KCNN1: variants seen among roughly 807,000 people sequenced by gnomAD.
KCNN1 encodes the protein potassium calcium-activated channel subfamily N member 1, also known as small conductance calcium-activated potassium channel protein 1.
In KCNN1, 20 loss-of-function variants were observed where a neutral mutation model predicts 44.7. The observed-to-expected ratio is 0.45, with a 90% CI of 0.32 to 0.65. The LOEUF is 0.65. Ranked by LOEUF, KCNN1 falls within the 30% of genes least tolerant of loss-of-function variation. KCNN1 has a pLI of 0.05. For synonymous variants in KCNN1, 324 were observed against 341.7 expected (o/e 0.95, Z 0.57); for missense variants, 632 against 785.3 (o/e 0.80, Z 2.33).
chr19:17,986,664 A>C (rs2032608200), intron 5 of KCNN1, among the ~76,000 whole-genome samples: 2 of 152,136 alleles, frequency 1.3e-5, no homozygotes, highest in African/African-American at 4.8e-5. Context: ...TCCATGTTTT[A>C]TTTTTATGTT....
intron 3 of KCNN1, 127 bp downstream of exon 3, chr19:17,975,314 G>T: frequency 3.2e-6 from 2 of 628,744 alleles, no homozygotes; most frequent in African/African-American, 1.8e-5. Context: ...ATAGAAAAAA[G>T]ATCTCCATAA....
chr19:17,959,810 C>T (rs992625608), intron 2 of KCNN1, among the ~76,000 whole-genome samples: 2 of 151,934 alleles, frequency 1.3e-5, no homozygotes, highest in South Asian at 2.1e-4. Context: ...GTCAGCTGGA[C>T]GCGGTGGCTC....
chr19:17,957,359 AAG>A (rs2031572543), intron 2 of KCNN1, among the ~76,000 whole-genome samples: 1 of 144,224 alleles, frequency 6.9e-6, no homozygotes, highest in South Asian at 2.4e-4. Context: ...AGAAAGAAGA[AAG>A]AGGAAGGGAG....
At chr19:17,982,519 C>T (rs977408935) in intron 4 of KCNN1, 2 of 983,634 alleles carry the variant, frequency 2.0e-6, no homozygotes, top group Non-Finnish European at 2.4e-6. Context: ...CCATCTCCCA[C>T]GTTTAACCAG....
At chr19:17,985,045 T>C (rs997986313) in intron 4 of KCNN1, among the ~76,000 whole-genome samples, 3 of 152,048 alleles carry the variant, frequency 2.0e-5, no homozygotes, top group Admixed American at 1.3e-4. Context: ...GTGTCTGTCG[T>C]TGGGAGGGGG....
chr19:17,995,997 T>C (rs953675528), intron 9 of KCNN1, among the ~76,000 whole-genome samples: 1 of 152,068 alleles, frequency 6.6e-6, no homozygotes, highest in African/African-American at 2.4e-5. Context: ...GTATATATAC[T>C]GTATTCTTAC....
chr19:17,983,755 G>A lies in KCNN1; in HGVS notation c.918-1557G>A, dbSNP rs907903172. Among the ~76,000 whole-genome samples, 3 of 151,550 alleles carry A rather than the reference G, an allele frequency of 2.0e-5. No individual in the cohort carries two copies. Among genetic ancestry groups the A allele is most frequent in the African/African-American group, 7.3e-5 (3 of 41,198 alleles). ...TGGTCCCGCGGCACCCCCCACCATC[G>A]CTCCGTCTGGATCTGGGGCTCACCC... On this transcript the variant is annotated intron_variant, in intron 4 of 9. Coordinates refer to ENST00000684775, the MANE Select transcript of KCNN1 (RefSeq NM_001386974.1). This position sits in a 1 kb window ranked among gnomAD's most constrained non-coding sequence, Gnocchi z 4.5.
intron 1 of KCNN1, among the ~76,000 whole-genome samples, chr19:17,969,144 G>A (rs1186614911): frequency 1.3e-5 from 2 of 152,058 alleles, no homozygotes; most frequent in African/African-American, 2.4e-5. Context: ...ATTGCAGTGG[G>A]GGAGGGGATG....
At chr19:17,995,227 C>T (rs1229464034) in intron 9 of KCNN1, among the ~76,000 whole-genome samples, 2 of 150,686 alleles carry the variant, frequency 1.3e-5, no homozygotes, top group African/African-American at 4.9e-5. Context: ...GGCTGGAGTG[C>T]AGTGGCAAAA....
rs533719138 is a variant in KCNN1 at position 17,960,778 on chromosome 19, C to G, written c.-82+6097C>G. 7.2e-5 allele frequency among the ~76,000 whole-genome samples: 11 copies of G among 152,282 alleles called. No homozygotes were observed. The South Asian group carries it at 2.3e-3, about 32-fold the overall frequency. On this transcript the variant is annotated intron_variant, in intron 2 of 10. Coordinates refer to the KCNN1 transcript ENST00000222249. Reference sequence around the variant, plus strand: ...GATCCTTTCCTGCCTCTTCCAGCCTCTGGTGGCTCCTGGTGTTCTTTGGCT... The same window carrying G: ...GATCCTTTCCTGCCTCTTCCAGCCTGTGGTGGCTCCTGGTGTTCTTTGGCT...
chr19:17,971,172 C>T (rs1891541108), intron 1 of KCNN1, among the ~76,000 whole-genome samples: 1 of 152,168 alleles, frequency 6.6e-6, no homozygotes, highest in South Asian at 2.1e-4. Context: ...GCGTGAGCCA[C>T]TGCACCCAGC....
chr19:17,990,971 G>A (rs1015972990), intron 7 of KCNN1, among the ~76,000 whole-genome samples: 3 of 152,068 alleles, frequency 2.0e-5, no homozygotes. Context: ...TCCAACATCA[G>A]TTACTTAGTA....
In KCNN1 at chr19:17,993,406, G is replaced by A; in HGVS notation, c.1308-84G>A. 1 of 989,624 alleles carries A rather than the reference G, an allele frequency of 1.0e-6. No homozygotes were observed. Among genetic ancestry groups the A allele is most frequent in the South Asian group, 1.4e-5 (1 of 72,984 alleles). The allele number at this position is 989,624 out of a possible 1,614,324, so 61.3% of individuals were successfully genotyped here. On this transcript the variant is annotated intron_variant, in intron 8 of 9. Coordinates refer to ENST00000684775, the MANE Select transcript of KCNN1 (RefSeq NM_001386974.1). The surrounding 1 kb of genome is among the most constrained non-coding windows in gnomAD (Gnocchi z 4.5). ...GATGCATGTCCCATAGGTGACCCCG[G>A]GTGGGTGCATGAAAGTCCCTGCCCC...
chr19:17,973,303 C>T (rs921972929), intron 1 of KCNN1, among the ~76,000 whole-genome samples: 4 of 151,898 alleles, frequency 2.6e-5, no homozygotes, highest in East Asian at 1.9e-4. Context: ...TTTTTTGAGA[C>T]GTAGTCTCAC....
At chr19:17,989,483 T>G (rs989974497) in intron 6 of KCNN1, among the ~76,000 whole-genome samples, 11 of 151,876 alleles carry the variant, frequency 7.2e-5, no homozygotes, top group African/African-American at 2.7e-4. Flanking sequence ...ACAAAAAACA[T>G]TAAAAACATT....
chr19:17,986,960 C>G (rs1311688845), intron 5 of KCNN1, among the ~76,000 whole-genome samples: 6 of 152,030 alleles, frequency 3.9e-5, no homozygotes, highest in Non-Finnish European at 8.8e-5. Flanking sequence ...GCGCCTGCCA[C>G]CAGGCTCGGC....
intron 1 of KCNN1, among the ~76,000 whole-genome samples, chr19:17,972,940 T>A (rs1165002292): frequency 6.6e-6 from 1 of 152,000 alleles, no homozygotes; most frequent in Non-Finnish European, 1.5e-5. Flanking sequence ...AGGGCTCTGG[T>A]AGGGGGGCAT....
At chr19:17,960,884 TA>T (rs954286493) in intron 2 of KCNN1, among the ~76,000 whole-genome samples, 10 of 151,616 alleles carry the variant, frequency 6.6e-5, no homozygotes, top group East Asian at 5.8e-4. Flanking sequence ...GGCTTCGTAT[TA>T]AAAAAAACAG....
intron 5 of KCNN1, 75 bp from the exon 6 acceptor site, chr19:17,988,340 A>G (rs753604891): frequency 3.5e-5 from 43 of 1,240,684 alleles, no homozygotes; most frequent in Non-Finnish European, 4.7e-5. Flanking sequence ...GGAGGCTGCA[A>G]TCTGGGCAGG....
Sources: allele counts gnomAD v4.1 joint callset (sites outside exome capture counted in the v4.1 genomes callset), GRCh38; gene constraint gnomAD v4.1.1; non-coding constraint Gnocchi (gnomAD v3.1); transcripts MANE v1.5; gene names NCBI Gene and HGNC (gene_info 2026-07-23, HGNC 2026-07-21).